Variants in ADGRD1 observed in about 807,000 individuals in gnomAD.
ADGRD1 encodes the protein adhesion G protein-coupled receptor D1, also known as G-protein coupled receptor 133.
ADGRD1 carries 77 observed loss-of-function variants against 113.4 expected under a neutral mutation model. The ratio of observed to expected loss-of-function variants is 0.68; its 90% CI spans 0.57 to 0.82. The LOEUF (loss-of-function observed/expected upper bound fraction) is 0.82, where lower values mean the gene tolerates loss of function less well. ADGRD1 is among the 40% of genes least tolerant of loss of function. The pLI is 0.00. For synonymous variants in ADGRD1, 474 were observed against 475.0 expected, an observed-to-expected ratio of 1.00 and a Z score of 0.03; for missense variants, 1,036 against 1,139.1, an observed-to-expected ratio of 0.91 and a Z score of 1.30.
chr12:130,956,976 A>G (rs1869671736), intron 2 of ADGRD1: 2 of 152,468 alleles, frequency 1.3e-5, no homozygotes, highest in African/African-American at 4.8e-5. Context: ...ATCCATACAC[A>G]TCAGACATGT....
intron 13 of ADGRD1, among the ~76,000 whole-genome samples, chr12:131,052,278 A>C (rs1883474996): frequency 6.6e-6 from 1 of 152,016 alleles, no homozygotes; most frequent in Non-Finnish European, 1.5e-5. Context: ...ACCGAGTCCC[A>C]CCCTGGTCAG....
At chr12:130,997,012 G>C (rs1342146979) in intron 8 of ADGRD1, among the ~76,000 whole-genome samples, 1 of 130,796 alleles carries the variant, frequency 7.6e-6, no homozygotes, top group African/African-American at 3.0e-5. Flanking sequence ...GCGGGGGGCT[G>C]ACCCCCCCAC....
At chr12:131,111,228 G>A (rs1950341117) in intron 18 of ADGRD1, among the ~76,000 whole-genome samples, 1 of 152,108 alleles carries the variant, frequency 6.6e-6, no homozygotes, top group South Asian at 2.1e-4. Flanking sequence ...GAGTAGCTGG[G>A]ACCACAGGTA....
rs767021310 is a variant in ADGRD1, at chr12:131,022,191, A to G, written c.1473+7851A>G. ...TCGGCTCCAGCATAGCAAATATGGG[A>G]TGTGAATGCTCATTGTTGCCGGTAA... On this transcript the variant is annotated intron_variant, in intron 13 of 24. Coordinates refer to ENST00000261654, the MANE Select transcript of ADGRD1 (RefSeq NM_198827.5). The surrounding 1 kb of genome is among the most constrained non-coding windows in gnomAD (Gnocchi z 4.6). Among the ~76,000 whole-genome samples the G allele has an allele frequency of 6.6e-6, 1 of 152,116 alleles. No individual in the cohort carries two copies. The highest frequency in any genetic ancestry group is 6.6e-5 in the Admixed American group (1 of 15,266).
chr12:130,996,513 C>T (rs7973877), intron 8 of ADGRD1, among the ~76,000 whole-genome samples: 27,491 of 97,892 alleles, frequency 0.28, 5,714 homozygotes, highest in African/African-American at 0.38. Context: ...CTGGACGGGG[C>T]GGCTGGCCGG....
intron 10 of ADGRD1, 141 bp from the exon 11 acceptor site, chr12:131,004,045 C>A (rs1210761932): frequency 1.3e-4 from 59 of 468,082 alleles, no homozygotes; most frequent in Middle Eastern, 1.2e-3. Context: ...TTTTTTGAGG[C>A]CATGCTTTCT....
At chr12:131,079,122 C>T (rs974075305) in intron 14 of ADGRD1, among the ~76,000 whole-genome samples, 3 of 152,188 alleles carry the variant, frequency 2.0e-5, no homozygotes, top group African/African-American at 7.2e-5. Context: ...CTTTTGGAGT[C>T]TAGCCTCTTT....
chr12:131,012,841 G>A (rs530276768), intron 12 of ADGRD1, among the ~76,000 whole-genome samples: 141 of 152,324 alleles, frequency 9.3e-4, no homozygotes, highest in Non-Finnish European at 1.7e-3. Context: ...GATGGTGGAC[G>A]GGGGAGGTGC....
chr12:131,101,085 T>C (rs1035688659), intron 15 of ADGRD1, among the ~76,000 whole-genome samples: 1 of 152,172 alleles, frequency 6.6e-6, no homozygotes, highest in African/African-American at 2.4e-5. Flanking sequence ...GGGCTTCCCG[T>C]GTCCCTGGGG....
intron 14 of ADGRD1, among the ~76,000 whole-genome samples, chr12:131,077,797 G>T (rs1409615859): frequency 2.0e-5 from 3 of 152,142 alleles, no homozygotes; most frequent in Non-Finnish European, 4.4e-5. Context: ...GAGTGCAGTG[G>T]TGTGATCTTA....
intron 13 of ADGRD1, among the ~76,000 whole-genome samples, chr12:131,029,609 G>C (rs549527285): frequency 2.4e-4 from 36 of 150,080 alleles, no homozygotes; most frequent in African/African-American, 8.1e-4. Context: ...CCAGGCTCTG[G>C]GGTTAGGTTG....
chr12:131,131,900 C>A, intron 21 of ADGRD1, 84 bp downstream of exon 21: 1 of 869,946 alleles, frequency 1.1e-6, no homozygotes. Context: ...GATAGCCACT[C>A]CTGCCTCCTG....
At chr12:131,001,600 A>T (rs1876397498) in intron 9 of ADGRD1, among the ~76,000 whole-genome samples, 1 of 152,218 alleles carries the variant, frequency 6.6e-6, no homozygotes, top group Non-Finnish European at 1.5e-5. Flanking sequence ...ATAGATCCCT[A>T]CATCTCAGTG....
intron 13 of ADGRD1, among the ~76,000 whole-genome samples, chr12:131,056,778 T>G (rs946200447): frequency 3.9e-5 from 6 of 152,162 alleles, no homozygotes; most frequent in Non-Finnish European, 8.8e-5. Flanking sequence ...CTTCCCCTGG[T>G]TCTAGCGTGG....
At chr12:131,072,083 G>GT (rs1368053308) in intron 13 of ADGRD1, among the ~76,000 whole-genome samples, 1 of 150,930 alleles carries the variant, frequency 6.6e-6, no homozygotes, top group Non-Finnish European at 1.5e-5. Context: ...TTTTCTTTGG[G>GT]TTTTGAAACA....
chr12:131,104,202 T>C (rs1950171151), intron 15 of ADGRD1, among the ~76,000 whole-genome samples: 1 of 152,026 alleles, frequency 6.6e-6, no homozygotes, highest in Admixed American at 6.6e-5. Flanking sequence ...GCGGCAGCCA[T>C]TGTGCGGGGA....
At chr12:130,969,801 C>T (rs1221061562) in intron 3 of ADGRD1, 1 of 152,250 alleles carries the variant, frequency 6.6e-6, no homozygotes, top group Non-Finnish European at 1.5e-5. Flanking sequence ...GGGACCACTG[C>T]ACTAGAAGGT....
chr12:131,049,496 G>C (rs1166924992), intron 13 of ADGRD1, among the ~76,000 whole-genome samples: 4 of 152,240 alleles, frequency 2.6e-5, no homozygotes, highest in African/African-American at 9.6e-5. Flanking sequence ...TGTTGACTAT[G>C]TCACTTCCTA....
At chr12:131,093,178 G>A (rs534201409) in intron 15 of ADGRD1, among the ~76,000 whole-genome samples, 3 of 152,182 alleles carry the variant, frequency 2.0e-5, no homozygotes, top group Non-Finnish European at 4.4e-5. Context: ...GAGGGAGGAT[G>A]CTTGTTTTGG....
Sources: gnomAD v4.1 joint callset for allele counts (sites outside exome capture counted in the v4.1 genomes callset) on GRCh38, gnomAD v4.1.1 for gene constraint, Gnocchi (gnomAD v3.1) non-coding constraint, MANE v1.5 for transcripts, NCBI Gene and HGNC (gene_info 2026-07-23, HGNC 2026-07-21) for gene names.